Variants in RAPGEF5 observed in about 807,000 individuals in gnomAD.
RAPGEF5 encodes M-Ras-regulated GEF.
Under a neutral mutation model 125.2 loss-of-function variants are expected in RAPGEF5, and 65 were observed. The observed-to-expected ratio is 0.52, with a 90% CI of 0.43 to 0.64. The LOEUF is 0.64. Among genes scored for constraint, RAPGEF5 ranks in the 30% least tolerant of loss-of-function variants. The pLI is 0.00. For synonymous variants in RAPGEF5, 391 were observed against 385.9 expected (o/e 1.01, Z -0.16); for missense variants, 958 against 1,048.1 (o/e 0.91, Z 1.19).
At chr7:22,167,444 A>G (rs1784206326) in intron 11 of RAPGEF5, among the ~76,000 whole-genome samples, 1 of 152,224 alleles carries the variant, frequency 6.6e-6, no homozygotes, top group Non-Finnish European at 1.5e-5. Context: ...GTGGGTAAAG[A>G]TGATATAGAA....
intron 3 of RAPGEF5, among the ~76,000 whole-genome samples, chr7:22,312,107 T>C (rs771937449): frequency 2.0e-5 from 3 of 152,220 alleles, no homozygotes. Flanking sequence ...AGAAGCTTCT[T>C]AGAACAAGGC....
At chr7:22,249,498 TA>T (rs1225941613) in intron 7 of RAPGEF5, among the ~76,000 whole-genome samples, 3 of 152,150 alleles carry the variant, frequency 2.0e-5, no homozygotes, top group African/African-American at 4.8e-5. Flanking sequence ...CCTTATCCTT[TA>T]AACTAGTGCA....
chr7:22,213,113 T>C (rs899862211), intron 9 of RAPGEF5, among the ~76,000 whole-genome samples: 3 of 152,212 alleles, frequency 2.0e-5, no homozygotes, highest in Non-Finnish European at 2.9e-5. Context: ...AAAAATAGCA[T>C]AATGACAAAT....
intron 6 of RAPGEF5, among the ~76,000 whole-genome samples, chr7:22,285,867 A>G (rs1270590215): frequency 1.3e-5 from 2 of 152,234 alleles, no homozygotes; most frequent in African/African-American, 4.8e-5. Flanking sequence ...CAGAGATCCC[A>G]CAAGAAAGTT....
At chr7:22,294,986 T>C (rs1290400059) in intron 5 of RAPGEF5, among the ~76,000 whole-genome samples, 1 of 152,162 alleles carries the variant, frequency 6.6e-6, no homozygotes, top group African/African-American at 2.4e-5. Context: ...ACAATCAAAT[T>C]TATTAACACC....
chr7:22,255,413 A>T (rs1015461227), intron 7 of RAPGEF5, among the ~76,000 whole-genome samples: 4 of 151,774 alleles, frequency 2.6e-5, no homozygotes, highest in Non-Finnish European at 1.5e-5. Context: ...ACATAGCAAG[A>T]CCCTATTTCT....
chr7:22,314,107 G>T lies in RAPGEF5; in HGVS notation c.389+1263C>A, dbSNP rs140482249. Among the ~76,000 whole-genome samples the T allele has an allele frequency of 5.3e-5, 8 of 152,310 alleles. 1 individual carries two copies. The highest frequency in any genetic ancestry group is 5.2e-4 in the Admixed American group (8 of 15,292). ...AATGTTAATGTGATTGATTAAATGT[G>T]CTTAATTAAAGTGTTAATTCACTGG... On this transcript the variant is annotated intron_variant, in intron 3 of 25. Transcript: ENST00000665637.
chr7:22,254,879 T>C (rs536039466), intron 7 of RAPGEF5, among the ~76,000 whole-genome samples: 15 of 152,290 alleles, frequency 9.8e-5, no homozygotes, highest in Admixed American at 9.2e-4. Context: ...GCCACTGATC[T>C]GACAGGTGGT....
chr7:22,184,771 T>G (rs1784778987), intron 11 of RAPGEF5, among the ~76,000 whole-genome samples: 1 of 152,204 alleles, frequency 6.6e-6, no homozygotes, highest in Admixed American at 6.5e-5. Flanking sequence ...TCAGTTCCCT[T>G]GTTATCATAC....
At chr7:22,293,472 C>G (rs1474512613) in intron 5 of RAPGEF5, among the ~76,000 whole-genome samples, 1 of 152,174 alleles carries the variant, frequency 6.6e-6, no homozygotes, top group African/African-American at 2.4e-5. Flanking sequence ...AGTCTAGGCT[C>G]TCATCTTCGC....
chr7:22,289,744 T>A (rs1209247259), intron 6 of RAPGEF5, among the ~76,000 whole-genome samples: 1 of 152,234 alleles, frequency 6.6e-6, no homozygotes, highest in Non-Finnish European at 1.5e-5. Flanking sequence ...TCTTGGATTG[T>A]AATCCCCAGG....
intron 8 of RAPGEF5, among the ~76,000 whole-genome samples, chr7:22,222,846 G>A (rs1785825948): frequency 6.6e-6 from 1 of 152,188 alleles, no homozygotes; most frequent in African/African-American, 2.4e-5. Flanking sequence ...CTTGGAACTT[G>A]TGCTAGTGGT....
chr7:22,123,235 T>C (rs1484508041), intron 25 of RAPGEF5, among the ~76,000 whole-genome samples: 2 of 152,170 alleles, frequency 1.3e-5, no homozygotes, highest in African/African-American at 4.8e-5. Flanking sequence ...AAGGAGGCTT[T>C]AGTGCACTGT....
intron 6 of RAPGEF5, among the ~76,000 whole-genome samples, chr7:22,280,267 G>C (rs953770705): frequency 1.8e-4 from 27 of 152,184 alleles, no homozygotes; most frequent in African/African-American, 6.5e-4. Context: ...AGTCAAGAAA[G>C]ACCTTTCTTG....
intron 13 of RAPGEF5, among the ~76,000 whole-genome samples, 191 bp from the exon 14 acceptor site, chr7:22,160,806 T>C (rs1272354358): frequency 6.6e-6 from 1 of 152,182 alleles, no homozygotes; most frequent in African/African-American, 2.4e-5. Flanking sequence ...CATGGCTCTC[T>C]ATCTGCTTTC....
chr7:22,125,549 A>C (rs1782711890), intron 25 of RAPGEF5, 55 bp downstream of exon 25: 1 of 1,509,414 alleles, frequency 6.6e-7, no homozygotes, highest in African/African-American at 1.4e-5. Flanking sequence ...TTGTGACCAC[A>C]GTTGGTACCA....
chr7:22,334,378 C>G (rs948278613), intron 1 of RAPGEF5, among the ~76,000 whole-genome samples: 1 of 152,148 alleles, frequency 6.6e-6, no homozygotes, highest in Admixed American at 6.5e-5. Flanking sequence ...CAGTGTAAAA[C>G]TAAAGCCCAA....
rs1468244904 is a variant in RAPGEF5, at chr7:22,267,012, C to A, written c.748G>T (p.Val250Leu). ...ATAACAGCTGCTAGCTCTCTCTGCA[C>A]CTAATAAAATATTAGGGGGGAAAAT... The part of the protein sequence containing the change: ...DEILVRLTSA[V>L]QRELAAVIAL... The change falls in exon 7 of 26, where the codon GTG becomes TTG. Residue 250 changes from valine (V) to leucine (L), a missense_variant and splice_region_variant. Val to Leu is a conservative substitution (Grantham distance 32). Transcript: ENST00000665637. 1 of 1,607,142 alleles carries A rather than the reference C, an allele frequency of 6.2e-7. No homozygotes were observed. Among genetic ancestry groups the A allele is most frequent in the South Asian group, 1.1e-5 (1 of 90,474 alleles).
At chr7:22,239,224 G>T (rs1288935108) in intron 7 of RAPGEF5, among the ~76,000 whole-genome samples, 3 of 152,170 alleles carry the variant, frequency 2.0e-5, no homozygotes, top group African/African-American at 7.2e-5. Context: ...TGTCATTAAG[G>T]CCGTAATGAC....
Sources: allele counts gnomAD v4.1 joint callset (sites outside exome capture counted in the v4.1 genomes callset), GRCh38; gene constraint gnomAD v4.1.1; transcripts MANE v1.5; gene names NCBI Gene and HGNC (gene_info 2026-07-23, HGNC 2026-07-21).